KDM4C: variants seen among roughly 807,000 people sequenced by gnomAD.
KDM4C encodes the protein lysine-specific demethylase 4C.
Under a neutral mutation model 129.3 loss-of-function variants are expected in KDM4C, and 81 were observed. That is an observed-to-expected ratio of 0.63 (90% confidence interval 0.52 to 0.75). KDM4C has a LOEUF of 0.75. Ranked by LOEUF, KDM4C falls within the 30% of genes least tolerant of loss-of-function variation. The pLI, the probability that KDM4C is intolerant of heterozygous loss-of-function variation, is 0.00. For synonymous variants in KDM4C, 573 were observed against 456.1 expected (o/e 1.26, Z -3.26); for missense variants, 1,457 against 1,304.0 (o/e 1.12, Z -1.81).
chr9:7,021,222 G>C (rs999653575), intron 15 of KDM4C, among the ~76,000 whole-genome samples: 2 of 151,552 alleles, frequency 1.3e-5, no homozygotes, highest in Admixed American at 6.6e-5. Context: ...CACAATCTCG[G>C]CTCACTGCAA....
chr9:7,004,111 T>C (rs1821226769), intron 12 of KDM4C, among the ~76,000 whole-genome samples: 1 of 152,234 alleles, frequency 6.6e-6, no homozygotes, highest in Non-Finnish European at 1.5e-5. Context: ...AGGGAAATTA[T>C]ACTGTAGTGG....
At chr9:6,849,448 C>T (rs1294198622) in intron 4 of KDM4C, 59 bp from the exon 5 acceptor site, 3 of 1,379,582 alleles carry the variant, frequency 2.2e-6, no homozygotes, top group Non-Finnish European at 2.0e-6. Flanking sequence ...TTAGTAAATG[C>T]TATCTTTCAT....
chr9:7,136,548 G>A (rs968113564), intron 19 of KDM4C, among the ~76,000 whole-genome samples: 6 of 152,248 alleles, frequency 3.9e-5, no homozygotes, highest in South Asian at 2.1e-4. Flanking sequence ...GTTATTTCAC[G>A]GTATTGTAAT....
chr9:6,919,418 GA>G (rs988206177), intron 8 of KDM4C, among the ~76,000 whole-genome samples: 2 of 148,892 alleles, frequency 1.3e-5, no homozygotes, highest in Non-Finnish European at 1.5e-5. Context: ...GCAGAAGCTT[GA>G]AAAAAAAATC....
intron 18 of KDM4C, among the ~76,000 whole-genome samples, chr9:7,116,414 G>GAGATTATGTGGACCACCTA (rs1838900124): frequency 6.6e-6 from 1 of 151,518 alleles, no homozygotes; most frequent in Non-Finnish European, 1.5e-5. Context: ...AACTTTAATT[G>GAGATTATGTGGACCACCTA]AGGTTATATG....
chr9:6,903,819 G>A (rs191599652), intron 8 of KDM4C, among the ~76,000 whole-genome samples: 11 of 152,230 alleles, frequency 7.2e-5, no homozygotes, highest in South Asian at 2.1e-4. Flanking sequence ...GTAAAAAACT[G>A]TTAACAGTTC....
intron 19 of KDM4C, among the ~76,000 whole-genome samples, chr9:7,132,998 T>C: frequency 6.6e-6 from 1 of 152,178 alleles, no homozygotes; most frequent in East Asian, 1.9e-4. Flanking sequence ...TCTTCAAGAT[T>C]CTGGGGGTGA....
intron 8 of KDM4C, among the ~76,000 whole-genome samples, chr9:6,920,269 C>T (rs553657502): frequency 6.6e-6 from 1 of 151,928 alleles, no homozygotes; most frequent in African/African-American, 2.4e-5. Context: ...CCCATGGGGT[C>T]AGTCTGAAAA....
Position 6,947,016 on chromosome 9 carries a change from T to C in KDM4C, c.922-33909T>C, listed in dbSNP as rs114781246. Among the ~76,000 whole-genome samples the C allele has an allele frequency of 3.4e-3, 517 of 152,236 alleles. 2 individuals are homozygous for C. The highest frequency in any genetic ancestry group is 0.012 in the African/African-American group (486 of 41,550). On this transcript the variant is annotated intron_variant, in intron 8 of 21. Coordinates refer to ENST00000381309, the MANE Select transcript of KDM4C (RefSeq NM_015061.6). Reference sequence around the variant, plus strand: ...TAAGTCATAGTGAAGGGAAGGATTATTATGGAAGAGGTCAGGGGGTGTTTA... The same window carrying C: ...TAAGTCATAGTGAAGGGAAGGATTACTATGGAAGAGGTCAGGGGGTGTTTA...
intron 4 of KDM4C, among the ~76,000 whole-genome samples, chr9:6,822,675 A>T (rs1159787176): frequency 6.6e-6 from 1 of 152,230 alleles, no homozygotes; most frequent in Non-Finnish European, 1.5e-5. Context: ...ACATTAAAAT[A>T]CTCAGCCTTC....
intron 3 of KDM4C, among the ~76,000 whole-genome samples, chr9:6,808,345 A>G (rs1315855898): frequency 1.4e-5 from 1 of 72,362 alleles, no homozygotes; most frequent in Non-Finnish European, 2.5e-5. Flanking sequence ...TTTGTTCTGC[A>G]CTAAGAAAAA....
intron 18 of KDM4C, among the ~76,000 whole-genome samples, chr9:7,123,264 G>T (rs755670092): frequency 2.4e-4 from 37 of 152,162 alleles, no homozygotes; most frequent in Non-Finnish European, 5.3e-4. Flanking sequence ...TATAAAGCCT[G>T]CATCACCTTC....
At chr9:7,028,879 T>G (rs1285498817) in intron 15 of KDM4C, among the ~76,000 whole-genome samples, 2 of 152,018 alleles carry the variant, frequency 1.3e-5, no homozygotes, top group Admixed American at 1.3e-4. Flanking sequence ...ACAATTTCTG[T>G]GCTCTCCTGT....
chr9:7,075,263 T>G (rs1327154720), intron 17 of KDM4C, among the ~76,000 whole-genome samples: 1 of 152,160 alleles, frequency 6.6e-6, no homozygotes, highest in African/African-American at 2.4e-5. Flanking sequence ...TAATGGTTTG[T>G]TTTTGGTTTT....
At chr9:7,163,141 G>A (rs79553981) in intron 19 of KDM4C, among the ~76,000 whole-genome samples, 5,490 of 152,224 alleles carry the variant, frequency 0.036, 167 homozygotes, top group East Asian at 0.14. Context: ...AAGGGAAGGA[G>A]CTGAGCTAGA....
chr9:6,978,033 G>A (rs1162517722), intron 8 of KDM4C, among the ~76,000 whole-genome samples: 2 of 152,108 alleles, frequency 1.3e-5, no homozygotes, highest in Non-Finnish European at 2.9e-5. Context: ...GCCATATTCG[G>A]CCTTTTAAAA....
intron 4 of KDM4C, among the ~76,000 whole-genome samples, chr9:6,827,316 A>G (rs7861898): frequency 0.41 from 62,817 of 152,058 alleles, 13,257 homozygotes; most frequent in East Asian, 0.6. Context: ...TGTTTACTTT[A>G]TGATAAGCAA....
chr9:6,986,497 C>G lies in KDM4C; in HGVS notation c.1508C>G (p.Ser503Cys), dbSNP rs757084438. ...GYEKPEKSDP[S>C]ELSWPKSPES... ...GAGAAGCCCGAGAAATCAGACCCAT[C>G]CGAGCTTTCATGGCCAAAGTCACCT... Residue 503 changes from serine to cysteine, a missense_variant, in exon 11 of 22, where the codon TCC (serine) becomes TGC (cysteine). By Grantham distance (112) the Ser-to-Cys change is moderately radical. Coordinates refer to ENST00000381309, the MANE Select transcript of KDM4C (RefSeq NM_015061.6). The G allele has an allele frequency of 1.2e-6, 2 of 1,614,136 alleles. No individual in the cohort carries two copies. The highest frequency in any genetic ancestry group is 1.6e-4 in the Middle Eastern group (1 of 6,062).
intron 6 of KDM4C, among the ~76,000 whole-genome samples, chr9:6,882,796 GTGTGTGTGT>G (rs1844661882): frequency 6.6e-6 from 1 of 152,102 alleles, no homozygotes; most frequent in East Asian, 1.9e-4. Context: ...GTGTGTGTGT[GTGTGTGTGT>G]GCGCGTGTGC....
Sources: allele counts gnomAD v4.1 joint callset (sites outside exome capture counted in the v4.1 genomes callset), GRCh38; gene constraint gnomAD v4.1.1; transcripts MANE v1.5; gene names NCBI Gene and HGNC (gene_info 2026-07-23, HGNC 2026-07-21).